SMYD3: variants seen among roughly 807,000 people sequenced by gnomAD.
SMYD3 encodes the protein histone-lysine N-methyltransferase SMYD3.
A neutral mutation model predicts 57.7 loss-of-function variants in SMYD3; 36 were observed. That is an observed-to-expected ratio of 0.62 (90% CI 0.48 to 0.82). The LOEUF is 0.82. SMYD3 is among the 40% of genes least tolerant of loss of function. The pLI is 0.00. For missense variants in SMYD3, 515 were observed against 538.8 expected (o/e 0.96, Z 0.44); for synonymous variants, 211 against 195.0 (o/e 1.08, Z -0.68).
intron 5 of SMYD3, among the ~76,000 whole-genome samples, chr1:246,169,115 G>A (rs201890178): frequency 2.0e-4 from 30 of 152,064 alleles, no homozygotes; most frequent in East Asian, 9.7e-4. Flanking sequence ...TTGTGTGTCC[G>A]TCCCTACATC....
chr1:246,412,537 A>ATT (rs34608226), intron 1 of SMYD3, among the ~76,000 whole-genome samples: 11 of 149,046 alleles, frequency 7.4e-5, no homozygotes, highest in South Asian at 2.1e-4. Flanking sequence ...ATACTACCTG[A>ATT]TTTTTTTTTT....
intron 1 of SMYD3, among the ~76,000 whole-genome samples, chr1:246,491,754 C>G (rs12061026): frequency 0.11 from 16,187 of 152,186 alleles, 2,181 homozygotes; most frequent in African/African-American, 0.32. Context: ...CTGACCGATA[C>G]TATCAGGTAG....
chr1:245,912,621 C>T (rs1204276725), intron 8 of SMYD3, among the ~76,000 whole-genome samples: 1 of 151,854 alleles, frequency 6.6e-6, no homozygotes, highest in Admixed American at 6.6e-5. Context: ...CAAAGTTATA[C>T]TAACAAAAAA....
chr1:246,339,655 G>A (rs533691563), intron 2 of SMYD3, among the ~76,000 whole-genome samples: 13 of 152,306 alleles, frequency 8.5e-5, no homozygotes, highest in African/African-American at 2.2e-4. Flanking sequence ...GCATCCCACT[G>A]CAGGGCTGCT....
intron 5 of SMYD3, among the ~76,000 whole-genome samples, chr1:246,038,950 G>A (rs1469535355): frequency 1.3e-5 from 2 of 151,952 alleles, no homozygotes; most frequent in African/African-American, 2.4e-5. Flanking sequence ...AGACTTTCAG[G>A]AAAAAAACAC....
At chr1:245,993,186 C>T (rs10924432) in intron 5 of SMYD3, among the ~76,000 whole-genome samples, 76,995 of 151,608 alleles carry the variant, frequency 0.51, 23,173 homozygotes, top group Middle Eastern at 0.69. Context: ...TCATCATAAC[C>T]CTCTGAGGTG....
chr1:246,416,280 T>C (rs1167269868), intron 1 of SMYD3, among the ~76,000 whole-genome samples: 1 of 152,128 alleles, frequency 6.6e-6, no homozygotes, highest in Non-Finnish European at 1.5e-5. Flanking sequence ...AATTTATAGG[T>C]TGGAACAAGA....
At chr1:246,379,036 T>TTA (rs1390749035) in intron 1 of SMYD3, among the ~76,000 whole-genome samples, 29 of 141,444 alleles carry the variant, frequency 2.1e-4, no homozygotes, top group African/African-American at 6.4e-4. Flanking sequence ...AAACAATATT[T>TTA]TATATATATA....
At chr1:246,084,260 G>A (rs943473908) in intron 5 of SMYD3, among the ~76,000 whole-genome samples, 24 of 149,730 alleles carry the variant, frequency 1.6e-4, no homozygotes, top group Admixed American at 1.2e-3. Context: ...CCCAGGCTGA[G>A]GCTACAGTGC....
Position 246,247,447 on chromosome 1 carries a change from C to A in SMYD3, c.531+79754G>T, listed in dbSNP as rs199919937. On this transcript the variant is annotated intron_variant, in intron 5 of 11. Transcript: ENST00000490107. The stretch of plus-strand genomic sequence containing the variant: ...TGGTTTAAGAAAGAGAAGGATAACT[C>A]TCTCTCTCTCTCTCTCTCTATATAT... 0.015 allele frequency among the ~76,000 whole-genome samples: 1,190 copies of A among 81,976 alleles called. 61 individuals are homozygous for A. The East Asian group carries it at 0.33, about 23-fold the overall frequency. 53.8% of individuals were successfully genotyped at this position (81,976 alleles called of 152,430 possible). A position where few individuals can be genotyped will look rare whatever the true frequency, so the allele number is the denominator to read the frequency against.
intron 8 of SMYD3, among the ~76,000 whole-genome samples, chr1:245,877,747 G>A (rs903186194): frequency 2.0e-5 from 3 of 152,206 alleles, no homozygotes; most frequent in Non-Finnish European, 4.4e-5. Flanking sequence ...GTAGAAAGGT[G>A]TTTAGGAAAG....
At chr1:245,815,391 T>C (rs1023605818) in intron 10 of SMYD3, among the ~76,000 whole-genome samples, 1 of 152,354 alleles carries the variant, frequency 6.6e-6, no homozygotes, top group Non-Finnish European at 1.5e-5. Flanking sequence ...TCCATGGTCA[T>C]CTAGTCCAAG....
chr1:246,333,384 AAAAC>A (rs1259656721), intron 3 of SMYD3, among the ~76,000 whole-genome samples: 3 of 152,230 alleles, frequency 2.0e-5, no homozygotes, highest in African/African-American at 7.2e-5. Context: ...AACTGCAACA[AAAAC>A]AAAATTGACA....
intron 1 of SMYD3, among the ~76,000 whole-genome samples, chr1:246,398,913 G>C (rs1398321978): frequency 6.6e-6 from 1 of 152,168 alleles, no homozygotes; most frequent in Admixed American, 6.5e-5. Flanking sequence ...TTAATAAAAA[G>C]ACTGATTGCC....
At chr1:245,911,716 G>A (rs545452034) in intron 8 of SMYD3, among the ~76,000 whole-genome samples, 1 of 152,116 alleles carries the variant, frequency 6.6e-6, no homozygotes, top group East Asian at 1.9e-4. Flanking sequence ...ATACAATAGT[G>A]GTTTTGAGGC....
At chr1:245,894,610 A>G (rs550593728) in intron 8 of SMYD3, among the ~76,000 whole-genome samples, 31 of 152,298 alleles carry the variant, frequency 2.0e-4, no homozygotes, top group South Asian at 1.9e-3. Context: ...CTAGCACACA[A>G]TAAGTGCCCC....
intron 1 of SMYD3, among the ~76,000 whole-genome samples, chr1:246,379,226 AAAT>A (rs1281716376): frequency 1.3e-5 from 2 of 151,352 alleles, no homozygotes; most frequent in Admixed American, 6.6e-5. Context: ...AAATGATAAT[AAAT>A]AATAATAATA....
intron 7 of SMYD3, among the ~76,000 whole-genome samples, chr1:245,918,946 A>T (rs2147790391): frequency 6.6e-6 from 1 of 152,318 alleles, no homozygotes; most frequent in East Asian, 1.9e-4. Context: ...GTGCTTGACT[A>T]ACCCAAGACT....
rs185872021 is a variant in SMYD3, at chr1:245,825,014, G to C, written c.1076+33482C>G. Among the ~76,000 whole-genome samples the C allele has an allele frequency of 3.6e-3, 553 of 152,200 alleles. 3 individuals carry two copies. The highest frequency in any genetic ancestry group is 0.011 in the South Asian group (53 of 4,820). ...CCACTGCACTCCAGCCTGGGCAACA[G>C]AACAAGACTCTGTCTCAAAAGAAAA... On this transcript the variant is annotated intron_variant, in intron 10 of 11. Transcript: ENST00000490107.
Sources: gnomAD v4.1 joint callset for allele counts (sites outside exome capture counted in the v4.1 genomes callset) on GRCh38, gnomAD v4.1.1 for gene constraint, MANE v1.5 for transcripts, NCBI Gene and HGNC (gene_info 2026-07-23, HGNC 2026-07-21) for gene names.